Variants in PLD5 observed in about 807,000 individuals in gnomAD.
PLD5 encodes phospholipase D family member 5.
In PLD5, 36 loss-of-function variants were observed where a neutral mutation model predicts 61.1. The ratio of observed to expected loss-of-function variants is 0.59; its 90% confidence interval spans 0.45 to 0.78. The LOEUF (loss-of-function observed/expected upper bound fraction) is 0.78, where lower values mean the gene tolerates loss of function less well. PLD5 is among the 30% of genes least tolerant of loss of function. The pLI is 0.00. For missense variants in PLD5, 515 were observed against 644.4 expected (o/e 0.80, Z 2.17); for synonymous variants, 243 against 242.8 (o/e 1.00, Z -0.01).
chr1:242,291,935 T>TGCCTACTGACGGTTGAGTGAAAC (rs1675392886), intron 2 of PLD5, among the ~76,000 whole-genome samples: 1 of 151,968 alleles, frequency 6.6e-6, no homozygotes, highest in Non-Finnish European at 1.5e-5. Context: ...GTGAGGGAAA[T>TGCCTACTGACGGTTGAGTGAAAC]GCCTACTGAC....
chr1:242,402,385 TA>T (rs1381207858), intron 1 of PLD5, among the ~76,000 whole-genome samples: 1 of 152,136 alleles, frequency 6.6e-6, no homozygotes, highest in African/African-American at 2.4e-5. Context: ...TTGTGCATTA[TA>T]AAAACATGGA....
At chr1:242,272,706 G>A (rs1674164878) in intron 3 of PLD5, among the ~76,000 whole-genome samples, 1 of 152,030 alleles carries the variant, frequency 6.6e-6, no homozygotes, top group Admixed American at 6.5e-5. Context: ...ATGAATAGGT[G>A]GGTACCTCAT....
At chr1:242,394,969 T>A (rs552314034) in intron 1 of PLD5, among the ~76,000 whole-genome samples, 2,032 of 59,446 alleles carry the variant, frequency 0.034, 46 homozygotes, top group South Asian at 0.055. Flanking sequence ...ATATATATGA[T>A]TATATATGAA....
chr1:242,408,928 T>C (rs989557751), intron 1 of PLD5, among the ~76,000 whole-genome samples: 1 of 151,840 alleles, frequency 6.6e-6, no homozygotes, highest in Non-Finnish European at 1.5e-5. Flanking sequence ...TTAGCTAGGC[T>C]TTGTGGCAGG....
intron 2 of PLD5, among the ~76,000 whole-genome samples, chr1:242,297,343 C>CA (rs34723393): frequency 2.8e-3 from 179 of 63,112 alleles, no homozygotes; most frequent in Non-Finnish European, 2.5e-3. Flanking sequence ...GACTCCTTCT[C>CA]AAAAAAAAAA....
chr1:242,375,180 T>C (rs1003992944), intron 1 of PLD5, among the ~76,000 whole-genome samples: 1 of 152,192 alleles, frequency 6.6e-6, no homozygotes, highest in East Asian at 1.9e-4. Context: ...CTGCAGGTAG[T>C]GGCAACAGGC....
At chr1:242,425,493 G>A (rs1665369184) in intron 1 of PLD5, among the ~76,000 whole-genome samples, 1 of 152,182 alleles carries the variant, frequency 6.6e-6, no homozygotes, top group Non-Finnish European at 1.5e-5. Context: ...GGGTGAGTCA[G>A]TGAGTGAGAG....
chr1:242,459,431 G>A (rs1024523820), intron 1 of PLD5, among the ~76,000 whole-genome samples: 2 of 152,072 alleles, frequency 1.3e-5, no homozygotes, highest in African/African-American at 4.8e-5. Flanking sequence ...ATCCACTATC[G>A]TTAATTTTGT....
chr1:242,339,693 G>A (rs1314211179), intron 2 of PLD5, among the ~76,000 whole-genome samples: 2 of 152,178 alleles, frequency 1.3e-5, no homozygotes, highest in African/African-American at 2.4e-5. Flanking sequence ...TGACAGAGGG[G>A]CTAGTTTTAG....
intron 6 of PLD5, among the ~76,000 whole-genome samples, chr1:242,123,666 C>T (rs1399917707): frequency 6.6e-6 from 1 of 152,232 alleles, no homozygotes; most frequent in African/African-American, 2.4e-5. Context: ...CACACGGTGG[C>T]CCCAGCCGAA....
intron 6 of PLD5, among the ~76,000 whole-genome samples, chr1:242,121,052 C>A (rs373129780): frequency 6.6e-6 from 1 of 152,116 alleles, no homozygotes; most frequent in South Asian, 2.1e-4. Context: ...AGTCTTGAGA[C>A]AATCAGCTTA....
intron 9 of PLD5, among the ~76,000 whole-genome samples, chr1:242,091,639 T>C (rs1302085034): frequency 6.6e-6 from 1 of 152,176 alleles, no homozygotes; most frequent in Non-Finnish European, 1.5e-5. Flanking sequence ...GAATGTTTTC[T>C]TTAAATCGAT....
At chr1:242,454,557 A>G (rs569062344) in intron 1 of PLD5, among the ~76,000 whole-genome samples, 2 of 152,354 alleles carry the variant, frequency 1.3e-5, no homozygotes, top group East Asian at 3.9e-4. Context: ...AAGCATTTGC[A>G]TATATGAAAA....
intron 1 of PLD5, among the ~76,000 whole-genome samples, chr1:242,396,670 T>TTC (rs1454175819): frequency 0.016 from 861 of 54,958 alleles, 35 homozygotes; most frequent in African/African-American, 0.074. Context: ...TTTCTTTTCT[T>TTC]TTCTTTTTTT....
At chr1:242,508,402 A>C (rs991745351) in intron 1 of PLD5, among the ~76,000 whole-genome samples, 1 of 152,122 alleles carries the variant, frequency 6.6e-6, no homozygotes, top group Non-Finnish European at 1.5e-5. Context: ...TTAGGTGACC[A>C]GATGGAAATG....
chr1:242,280,542 A>G (rs1674665281), intron 3 of PLD5, among the ~76,000 whole-genome samples: 1 of 152,230 alleles, frequency 6.6e-6, no homozygotes, highest in Non-Finnish European at 1.5e-5. Flanking sequence ...CAGGATCTAC[A>G]ACAAAACAAA....
intron 4 of PLD5, 120 bp downstream of exon 4, chr1:242,265,217 T>C (rs1673594795): frequency 8.1e-7 from 1 of 1,227,744 alleles, no homozygotes; most frequent in Non-Finnish European, 1.1e-6. Flanking sequence ...AAGATGTAAA[T>C]GTACTATGTA....
At chr1:242,163,289 GC>G (rs1558291756) in intron 5 of PLD5, among the ~76,000 whole-genome samples, 4 of 151,764 alleles carry the variant, frequency 2.6e-5, no homozygotes, top group South Asian at 2.1e-4. Flanking sequence ...GACTACAGGC[GC>G]CCGCCACCAC....
rs564101961 is a variant in PLD5, at chr1:242,188,980, T to TAAAC, written c.735+31004_735+31007dup. On this transcript the variant is annotated intron_variant, in intron 5 of 9. Transcript: ENST00000536534. ...GCTAGGGACCTAGAATTATATGCTTTAAACAAACAAACAAACAAAAAGAGA... is the reference window on the plus strand; with the variant it reads ...GCTAGGGACCTAGAATTATATGCTTTAAACAAACAAACAAACAAACAAAAAGAGA... 1.1e-3 allele frequency among the ~76,000 whole-genome samples: 169 copies of TAAAC among 152,154 alleles called. 3 individuals carry two copies. In the South Asian group the frequency reaches 0.032, roughly 29 times the overall value.
Sources: gnomAD v4.1 joint callset for allele counts (sites outside exome capture counted in the v4.1 genomes callset) on GRCh38, gnomAD v4.1.1 for gene constraint, MANE v1.5 for transcripts, NCBI Gene and HGNC (gene_info 2026-07-23, HGNC 2026-07-21) for gene names.